The following PLPP4 variants were observed in gnomAD, a reference collection of about 807,000 sequenced individuals.
The protein encoded by PLPP4 is diacylglycerol pyrophosphate like 2.
In PLPP4, 20 loss-of-function variants were observed where a neutral mutation model predicts 32.2. The ratio of observed to expected loss-of-function variants is 0.62; its 90% CI spans 0.44 to 0.90. The LOEUF is 0.90. Ranked by LOEUF, PLPP4 falls within the 40% of genes least tolerant of loss-of-function variation. PLPP4 has a pLI of 0.00. For missense variants in PLPP4, 257 were observed against 353.1 expected (o/e 0.73, Z 2.18); for synonymous variants, 127 against 133.0 (o/e 0.95, Z 0.31).
At chr10:120,576,733 G>T (rs931186419) in intron 6 of PLPP4, among the ~76,000 whole-genome samples, 1 of 152,196 alleles carries the variant, frequency 6.6e-6, no homozygotes, top group Non-Finnish European at 1.5e-5. Flanking sequence ...GAGGGTCACA[G>T]GTCTGAACCT....
rs576222307 is a variant in PLPP4 at position 120,529,432 on chromosome 10, G to A, written c.445+8337G>A. Among the ~76,000 whole-genome samples, 6 of 152,298 alleles carry A rather than the reference G, an allele frequency of 3.9e-5. No homozygotes were observed. In the East Asian group the frequency reaches 1.2e-3, roughly 29 times the overall value. On this transcript the variant is annotated intron_variant, in intron 5 of 6. Transcript: ENST00000398250. ...CTCTCCAAGTTCCTGGTCTGAATAA[G>A]TAGAATATTTTTAGCAATGGATACT...
chr10:120,550,542 T>A (rs1291328944), intron 5 of PLPP4, among the ~76,000 whole-genome samples: 2 of 151,928 alleles, frequency 1.3e-5, no homozygotes, highest in Non-Finnish European at 2.9e-5. Flanking sequence ...CTTATAAAGT[T>A]ATAGTGATCA....
At position 120,459,723 on chromosome 10, in the gene PLPP4, A is replaced by T. The variant is rs1386850736; in HGVS notation, c.56+2362A>T. ...CCCTATTGCTCAGGATGAAAGAATT[A>T]TCTGCGGGGAGAGGGGGTATCTTGC... On this transcript the variant is annotated intron_variant, in intron 1 of 6. Coordinates refer to ENST00000398250, the MANE Select transcript of PLPP4 (RefSeq NM_001030059.3). 2.6e-5 allele frequency among the ~76,000 whole-genome samples: 4 copies of T among 152,196 alleles called. No individual in the cohort carries two copies. In the East Asian group the frequency reaches 5.8e-4, roughly 22 times the overall value.
At chr10:120,535,656 T>G (rs1255441434) in intron 5 of PLPP4, among the ~76,000 whole-genome samples, 1 of 152,188 alleles carries the variant, frequency 6.6e-6, no homozygotes, top group Non-Finnish European at 1.5e-5. Context: ...TATTTATGAT[T>G]AGCATGTCTT....
At chr10:120,523,175 G>T (rs1159215096) in intron 5 of PLPP4, among the ~76,000 whole-genome samples, 1 of 152,126 alleles carries the variant, frequency 6.6e-6, no homozygotes, top group Admixed American at 6.5e-5. Context: ...GGTGGCGCAT[G>T]CCTGTAATCC....
intron 1 of PLPP4, among the ~76,000 whole-genome samples, chr10:120,500,125 T>G (rs1022176325): frequency 6.6e-6 from 1 of 152,178 alleles, no homozygotes; most frequent in Non-Finnish European, 1.5e-5. Flanking sequence ...ATTTGCTTGA[T>G]AGATGTGTTC....
intron 1 of PLPP4, among the ~76,000 whole-genome samples, chr10:120,463,361 G>A (rs565081260): frequency 6.6e-6 from 1 of 152,270 alleles, no homozygotes; most frequent in South Asian, 2.1e-4. Context: ...TTGAAGCAAA[G>A]AGCTATAACA....
chr10:120,476,206 G>A (rs1041562041), intron 1 of PLPP4, among the ~76,000 whole-genome samples: 8 of 152,232 alleles, frequency 5.3e-5, no homozygotes, highest in African/African-American at 1.7e-4. Flanking sequence ...CCTGGGGCCA[G>A]CTGTGCCCCC....
chr10:120,543,248 C>A (rs78776687), intron 5 of PLPP4, among the ~76,000 whole-genome samples: 6 of 152,142 alleles, frequency 3.9e-5, no homozygotes, highest in Non-Finnish European at 7.4e-5. Context: ...CTTTTCAGTC[C>A]TTCCTCCTCA....
intron 5 of PLPP4, among the ~76,000 whole-genome samples, chr10:120,562,101 T>C (rs1248234734): frequency 6.6e-6 from 1 of 152,222 alleles, no homozygotes; most frequent in Non-Finnish European, 1.5e-5. Flanking sequence ...TTTATTTAGG[T>C]CTTAATGTCT....
At chr10:120,481,658 A>G (rs536434339) in intron 1 of PLPP4, among the ~76,000 whole-genome samples, 1 of 152,290 alleles carries the variant, frequency 6.6e-6, no homozygotes, top group East Asian at 1.9e-4. Flanking sequence ...GGAGCAGACA[A>G]GGAAACAAAG....
Position 120,468,609 on chromosome 10 carries a change from C to A in PLPP4, c.56+11248C>A, listed in dbSNP as rs1377711350. On this transcript the variant is annotated intron_variant, in intron 1 of 6. Transcript: ENST00000398250. ...AGCATTTATTATTTTCATGCACAAT[C>A]AAAAAAATCAATATAGATGTTTTCT... Among the ~76,000 whole-genome samples, 2 of 64,614 alleles carry A rather than the reference C, an allele frequency of 3.1e-5. 1 individual carries two copies. Among genetic ancestry groups the A allele is most frequent in the African/African-American group, 6.6e-5 (2 of 30,348 alleles). The allele number at this position is 64,614 out of a possible 152,430, so 42.4% of individuals were successfully genotyped here. A position where few individuals can be genotyped will look rare whatever the true frequency, so the allele number is the denominator to read the frequency against.
intron 6 of PLPP4, 117 bp downstream of exon 6, chr10:120,575,418 G>A: frequency 1.8e-6 from 2 of 1,115,266 alleles, no homozygotes; most frequent in South Asian, 1.6e-5. Context: ...AAAACCAGAG[G>A]AGGCTGAAAT....
chr10:120,541,942 A>C (rs982814730), intron 5 of PLPP4, among the ~76,000 whole-genome samples: 30 of 152,090 alleles, frequency 2.0e-4, no homozygotes, highest in Non-Finnish European at 4.0e-4. Flanking sequence ...ATGCTCAGCT[A>C]ATTTTTTGTA....
intron 1 of PLPP4, among the ~76,000 whole-genome samples, chr10:120,459,969 C>G (rs1847967132): frequency 6.6e-6 from 1 of 152,162 alleles, no homozygotes; most frequent in African/African-American, 2.4e-5. Flanking sequence ...TGTTTCTAGA[C>G]TAGGCACAGT....
intron 5 of PLPP4, among the ~76,000 whole-genome samples, chr10:120,558,683 C>A (rs942096805): frequency 6.6e-6 from 1 of 152,112 alleles, no homozygotes; most frequent in African/African-American, 2.4e-5. Flanking sequence ...TCCCAAAGTG[C>A]TGGGATTATA....
intron 5 of PLPP4, among the ~76,000 whole-genome samples, chr10:120,557,490 G>A (rs1273953678): frequency 6.6e-6 from 1 of 152,164 alleles, no homozygotes; most frequent in African/African-American, 2.4e-5. Flanking sequence ...ATTAGTTGGA[G>A]TTCATTGCAC....
At chr10:120,523,945 A>G (rs1243930028) in intron 5 of PLPP4, among the ~76,000 whole-genome samples, 1 of 152,188 alleles carries the variant, frequency 6.6e-6, no homozygotes, top group Non-Finnish European at 1.5e-5. Context: ...TGTTGATTTC[A>G]GATGCGCACC....
At chr10:120,461,362 A>G (rs74647012) in intron 1 of PLPP4, among the ~76,000 whole-genome samples, 2,526 of 152,302 alleles carry the variant, frequency 0.017, 77 homozygotes, top group African/African-American at 0.058. Flanking sequence ...AAAGGACCCT[A>G]GAAAGATGAT....
Sources: gnomAD v4.1 joint callset for allele counts (sites outside exome capture counted in the v4.1 genomes callset) on GRCh38, gnomAD v4.1.1 for gene constraint, MANE v1.5 for transcripts, NCBI Gene and HGNC (gene_info 2026-07-23, HGNC 2026-07-21) for gene names.